The following HSPA12A variants were observed in gnomAD, a reference collection of about 807,000 sequenced individuals.
The protein encoded by HSPA12A is heat shock 70 kDa protein 12A.
A neutral mutation model predicts 69.2 loss-of-function variants in HSPA12A; 28 were observed. That is an observed-to-expected ratio of 0.40 (90% confidence interval 0.30 to 0.55). The LOEUF (loss-of-function observed/expected upper bound fraction) is 0.55. Ranked by LOEUF, HSPA12A falls within the 20% of genes least tolerant of loss-of-function variation. The pLI is 0.38. For synonymous variants in HSPA12A, 345 were observed against 370.5 expected, an observed-to-expected ratio of 0.93 and a Z score of 0.79; for missense variants, 686 against 900.7, an observed-to-expected ratio of 0.76 and a Z score of 3.05.
At position 116,723,944 on chromosome 10, in the gene HSPA12A, C is replaced by G. The variant is rs1850866805; in HGVS notation, c.41-16659G>C. Among the ~76,000 whole-genome samples, 1 of 152,252 alleles carries G rather than the reference C, an allele frequency of 6.6e-6. No homozygotes were observed. The highest frequency in any genetic ancestry group is 2.4e-5 in the African/African-American group (1 of 41,466). On this transcript the variant is annotated intron_variant, in intron 1 of 11. Transcript: ENST00000369209. The surrounding 1 kb of genome is among the most constrained non-coding windows in gnomAD (Gnocchi z 4.1). ...CGGGTCACCTGTACCCAGGCATAGA[C>G]AGCACTCTGCTGAGCCATCCATGGC...
chr10:116,714,933 C>T (rs757854637), intron 1 of HSPA12A, among the ~76,000 whole-genome samples: 23 of 152,190 alleles, frequency 1.5e-4, no homozygotes, highest in Non-Finnish European at 3.4e-4. Context: ...AAGTCAGCCT[C>T]CTCTTTTAAG....
intron 1 of HSPA12A, among the ~76,000 whole-genome samples, chr10:116,845,859 G>C (rs770758170): frequency 6.6e-6 from 1 of 152,168 alleles, no homozygotes; most frequent in Non-Finnish European, 1.5e-5. Flanking sequence ...TGAAAAATAA[G>C]GAAGTGGAAT....
intron 2 of HSPA12A, among the ~76,000 whole-genome samples, chr10:116,777,372 C>G (rs1844362162): frequency 6.6e-6 from 1 of 152,186 alleles, no homozygotes; most frequent in South Asian, 2.1e-4. Flanking sequence ...AGTTTCTTTG[C>G]AAATTCTGCA....
intron 1 of HSPA12A, among the ~76,000 whole-genome samples, chr10:116,740,112 C>G (rs1851435568): frequency 6.6e-6 from 1 of 152,188 alleles, no homozygotes; most frequent in East Asian, 1.9e-4. Context: ...AGAGTGGTAA[C>G]CACTGCACAC....
chr10:116,812,453 A>AAAAAT (rs1322080335), intron 2 of HSPA12A, among the ~76,000 whole-genome samples: 3 of 152,156 alleles, frequency 2.0e-5, no homozygotes, highest in South Asian at 2.1e-4. Flanking sequence ...ACTCCATCTC[A>AAAAAT]AAAATAAAAT....
At chr10:116,822,331 C>G (rs1311793970) in intron 2 of HSPA12A, among the ~76,000 whole-genome samples, 1 of 152,216 alleles carries the variant, frequency 6.6e-6, no homozygotes, top group Non-Finnish European at 1.5e-5. Flanking sequence ...GGTTAATTCT[C>G]TCATGATAAG....
chr10:116,675,168 C>T lies in HSPA12A; in HGVS notation c.1641G>A (p.Glu547=). Residue 547 remains glutamate (E), a synonymous_variant, in exon 12 of 12, where the codon GAG becomes GAA. Transcript: ENST00000369209. This position sits in a 1 kb window ranked among gnomAD's most constrained non-coding sequence, Gnocchi z 5.2. ...GCAGCTTCTCAGGCGGGTGCTTGCC[C>T]TCCACGTAGCGGTTCAGCACGCCTA... ...YGVGVLNRYV[E]GKHPPEKLLV... 6.2e-7 allele frequency: 1 copy of T among 1,613,856 alleles called. No individual in the cohort carries two copies. The highest frequency in any genetic ancestry group is 8.5e-7 in the Non-Finnish European group (1 of 1,180,028).
intron 5 of HSPA12A, among the ~76,000 whole-genome samples, chr10:116,697,279 G>C (rs1261824931): frequency 6.6e-6 from 1 of 152,136 alleles, no homozygotes; most frequent in East Asian, 1.9e-4. Flanking sequence ...TTAATCATCT[G>C]ATCCCCACCC....
At chr10:116,849,778 C>G (rs540321086), upstream of HSPA12A, 269 of 1,464,830 alleles carry the variant, frequency 1.8e-4, no homozygotes, top group Non-Finnish European at 2.2e-4. Context: ...CCCTCTCCCC[C>G]CGCCCCGCGC....
At chr10:116,712,977 A>AATAT (rs56007651) in intron 1 of HSPA12A, among the ~76,000 whole-genome samples, 2,272 of 80,656 alleles carry the variant, frequency 0.028, 125 homozygotes, top group Admixed American at 0.048. Context: ...TAAAAAATGC[A>AATAT]ATATATATAT....
chr10:116,827,925 T>A lies in HSPA12A; in HGVS notation c.91+7010A>T, dbSNP rs138782077. ...ACCCTTCTCCTGCTGCATATAGATATGACCAATTGTGTTCCTTTGTTCTGC... is the reference window on the plus strand; with the variant it reads ...ACCCTTCTCCTGCTGCATATAGATAAGACCAATTGTGTTCCTTTGTTCTGC... On this transcript the variant is annotated intron_variant, in intron 2 of 12. Coordinates refer to the HSPA12A transcript ENST00000635765. Among the ~76,000 whole-genome samples, 444 of 152,330 alleles carry A rather than the reference T, an allele frequency of 2.9e-3. 4 individuals are homozygous for A. The highest frequency in any genetic ancestry group is 0.01 in the Middle Eastern group (3 of 294).
At chr10:116,705,305 G>A in intron 2 of HSPA12A, 27 bp from the exon 3 acceptor site, 1 of 1,613,214 alleles carries the variant, frequency 6.2e-7, no homozygotes. Context: ...AGGCATGGGG[G>A]GTGTGGAGGG....
upstream of HSPA12A, among the ~76,000 whole-genome samples, chr10:116,744,679 A>G (rs1851609101): frequency 6.6e-6 from 1 of 152,208 alleles, no homozygotes; most frequent in Admixed American, 6.5e-5. Flanking sequence ...ACTAATTACA[A>G]CGCGCCCTGC....
Position 116,675,407 on chromosome 10 carries a change from G to A in HSPA12A, c.1402C>T (p.Gln468Ter). The A allele has an allele frequency of 6.3e-7, 1 of 1,592,910 alleles. No individual in the cohort carries two copies. Among genetic ancestry groups the A allele is most frequent in the Non-Finnish European group, 8.5e-7 (1 of 1,169,902 alleles). The change falls in exon 12 of 12, where the codon CAG (glutamine) becomes TAG (stop). Residue 468 changes from glutamine (Q) to a stop codon, truncating the protein, a stop_gained. Coordinates refer to ENST00000369209, the MANE Select transcript of HSPA12A (RefSeq NM_025015.3). LOFTEE classifies it high-confidence loss of function. This position sits in a 1 kb window ranked among gnomAD's most constrained non-coding sequence, Gnocchi z 5.2. ...SIIEHLRDLF[Q>*]KPEVSTVKFL... ...TTGACGGTGGACACCTCGGGCTTCTGAAACAGGTCCCCTGGAAGGGAAGAG... is the reference window on the plus strand; with the variant it reads ...TTGACGGTGGACACCTCGGGCTTCTAAAACAGGTCCCCTGGAAGGGAAGAG...
intron 6 of HSPA12A, among the ~76,000 whole-genome samples, chr10:116,688,313 T>C (rs1335466764): frequency 3.9e-5 from 6 of 152,198 alleles, no homozygotes; most frequent in African/African-American, 1.4e-4. Flanking sequence ...GACCTGGGGA[T>C]TCTACATACA....
chr10:116,707,382 C>G, intron 1 of HSPA12A, 97 bp from the exon 2 acceptor site: 1 of 947,996 alleles, frequency 1.1e-6, no homozygotes, highest in Non-Finnish European at 1.6e-6. Flanking sequence ...CCAGGAACTG[C>G]GGCCTCTGCA....
chr10:116,841,180 G>C (rs1427942002), intron 1 of HSPA12A, among the ~76,000 whole-genome samples: 1 of 152,164 alleles, frequency 6.6e-6, no homozygotes, highest in Admixed American at 6.5e-5. Context: ...GAGTACAACT[G>C]TGTGTTAGAT....
chr10:116,788,071 C>A (rs1589706590), intron 2 of HSPA12A, among the ~76,000 whole-genome samples: 1 of 152,158 alleles, frequency 6.6e-6, no homozygotes, highest in Non-Finnish European at 1.5e-5. Context: ...TCAGATGCTA[C>A]GCTAAAAGCA....
intron 2 of HSPA12A, among the ~76,000 whole-genome samples, chr10:116,777,394 T>C (rs1393952871): frequency 6.6e-6 from 1 of 152,256 alleles, no homozygotes; most frequent in African/African-American, 2.4e-5. Context: ...TTTTCAAACA[T>C]TAGTCCTCAG....
Sources: gnomAD v4.1 joint callset for allele counts (sites outside exome capture counted in the v4.1 genomes callset) on GRCh38, gnomAD v4.1.1 for gene constraint, Gnocchi (gnomAD v3.1) non-coding constraint, MANE v1.5 for transcripts, NCBI Gene and HGNC (gene_info 2026-07-23, HGNC 2026-07-21) for gene names.